Variants in ATRNL1 observed in about 807,000 individuals in gnomAD.
The protein encoded by ATRNL1 is attractin-like protein 1.
A neutral mutation model predicts 182.7 loss-of-function variants in ATRNL1; 95 were observed. The ratio of observed to expected loss-of-function variants is 0.52; its 90% CI spans 0.44 to 0.62. The LOEUF (loss-of-function observed/expected upper bound fraction) is 0.62, where lower values mean the gene tolerates loss of function less well. Ranked by LOEUF, ATRNL1 falls within the 20% of genes least tolerant of loss-of-function variation. The pLI is 0.00. For missense variants in ATRNL1, 1,471 were observed against 1,679.5 expected (o/e 0.88, Z 2.17); for synonymous variants, 576 against 568.3 (o/e 1.01, Z -0.19).
At chr10:115,533,696 A>T (rs1851761570) in intron 25 of ATRNL1, among the ~76,000 whole-genome samples, 1 of 149,814 alleles carries the variant, frequency 6.7e-6, no homozygotes, top group Non-Finnish European at 1.5e-5. Flanking sequence ...TTGTGATGTT[A>T]GGGTGTCAAT....
intron 27 of ATRNL1, among the ~76,000 whole-genome samples, chr10:115,803,598 T>G (rs1422908390): frequency 7.1e-6 from 1 of 140,190 alleles, no homozygotes; most frequent in Non-Finnish European, 1.6e-5. Context: ...GGTTTTTTTG[T>G]GTTTTTTTTT....
chr10:115,242,441 T>C (rs1327691025), intron 10 of ATRNL1, among the ~76,000 whole-genome samples: 2 of 152,004 alleles, frequency 1.3e-5, no homozygotes, highest in Non-Finnish European at 2.9e-5. Context: ...TTTTTCTATG[T>C]ATCATATTAT....
Position 115,190,318 on chromosome 10 carries a change from A to C in ATRNL1, c.1348+19026A>C, listed in dbSNP as rs1044895988. On this transcript the variant is annotated intron_variant, in intron 8 of 28. Coordinates refer to ENST00000355044, the MANE Select transcript of ATRNL1 (RefSeq NM_207303.4). ...GTGAATTATTAAACCATATGCTTTTAAGCTATTTAGGAACTACAAAAATAT... is the reference window on the plus strand; with the variant it reads ...GTGAATTATTAAACCATATGCTTTTCAGCTATTTAGGAACTACAAAAATAT... Among the ~76,000 whole-genome samples the C allele has an allele frequency of 5.3e-5, 8 of 152,216 alleles. No homozygotes were observed. The East Asian group carries it at 1.5e-3, about 29-fold the overall frequency.
At chr10:115,241,494 G>T in intron 9 of ATRNL1, 77 bp from the exon 10 acceptor site, 1 of 962,018 alleles carries the variant, frequency 1.0e-6, no homozygotes, top group East Asian at 2.5e-5. Flanking sequence ...ATGCAAAGTA[G>T]ACCCTTTATA....
chr10:115,507,733 C>G (rs1327868894), intron 24 of ATRNL1, among the ~76,000 whole-genome samples: 1 of 151,992 alleles, frequency 6.6e-6, no homozygotes, highest in Non-Finnish European at 1.5e-5. Context: ...AATATCAGCT[C>G]TTTTTAGTAG....
chr10:115,912,415 TTTG>T lies in ATRNL1; in HGVS notation c.4019-32241_4019-32239del, dbSNP rs1565481388. 9.8e-4 allele frequency among the ~76,000 whole-genome samples: 71 copies of T among 72,598 alleles called. No homozygotes were observed. The East Asian group carries it at 0.011, about 11-fold the overall frequency. 47.6% of individuals were successfully genotyped at this position (72,598 alleles called of 152,430 possible). On this transcript the variant is annotated intron_variant, in intron 28 of 28. Coordinates refer to ENST00000355044, the MANE Select transcript of ATRNL1 (RefSeq NM_207303.4). ...AGTGAAATACATATATATATATATATTTGTGTGTGTGTGTGTGTGTGTGTGCAT... is the reference window on the plus strand; with the variant it reads ...AGTGAAATACATATATATATATATATTGTGTGTGTGTGTGTGTGTGTGCAT...
At chr10:115,715,011 C>T (rs894925253) in intron 26 of ATRNL1, among the ~76,000 whole-genome samples, 3 of 152,220 alleles carry the variant, frequency 2.0e-5, no homozygotes, top group Non-Finnish European at 2.9e-5. Flanking sequence ...CACAGGAAGA[C>T]GCTGCAAAGT....
chr10:115,181,568 G>A (rs1249142332), intron 8 of ATRNL1, among the ~76,000 whole-genome samples: 1 of 151,694 alleles, frequency 6.6e-6, no homozygotes, highest in Non-Finnish European at 1.5e-5. Context: ...AAGATACACT[G>A]TGGAATTTAA....
At chr10:115,311,256 C>A (rs1854010273) in intron 17 of ATRNL1, among the ~76,000 whole-genome samples, 1 of 144,990 alleles carries the variant, frequency 6.9e-6, no homozygotes, top group African/African-American at 2.6e-5. Context: ...GTGGCACAAT[C>A]TTGGTTCACT....
chr10:115,659,005 T>C (rs1860509995), intron 26 of ATRNL1, among the ~76,000 whole-genome samples: 1 of 152,058 alleles, frequency 6.6e-6, no homozygotes, highest in South Asian at 2.1e-4. Context: ...CTCATAAGAA[T>C]GTACTCACTA....
At chr10:115,568,186 TG>T (rs1854176372) in intron 26 of ATRNL1, among the ~76,000 whole-genome samples, 1 of 152,068 alleles carries the variant, frequency 6.6e-6, no homozygotes, top group African/African-American at 2.4e-5. Context: ...AGTGCTCTTT[TG>T]TTCAGGCTAT....
intron 26 of ATRNL1, among the ~76,000 whole-genome samples, chr10:115,583,805 G>GA (rs1855299814): frequency 6.6e-6 from 1 of 150,438 alleles, no homozygotes; most frequent in Non-Finnish European, 1.5e-5. Context: ...GGAGTGGTGA[G>GA]AGAGGGCATC....
At chr10:115,882,809 TAGAC>T (rs1555108924) in intron 28 of ATRNL1, among the ~76,000 whole-genome samples, 1 of 152,224 alleles carries the variant, frequency 6.6e-6, no homozygotes, top group East Asian at 1.9e-4. Context: ...TTTTGTAAAA[TAGAC>T]AGATGTCTAC....
intron 23 of ATRNL1, among the ~76,000 whole-genome samples, chr10:115,468,315 T>C (rs1009183873): frequency 6.6e-6 from 1 of 150,840 alleles, no homozygotes; most frequent in Non-Finnish European, 1.5e-5. Context: ...ACAATAATTT[T>C]AGTATGCAAG....
At chr10:115,215,258 G>A (rs1205104821) in intron 8 of ATRNL1, among the ~76,000 whole-genome samples, 2 of 152,148 alleles carry the variant, frequency 1.3e-5, no homozygotes, top group East Asian at 3.9e-4. Flanking sequence ...AACAAATAAA[G>A]GACCAGCACA....
chr10:115,597,414 G>T (rs1856313586), intron 26 of ATRNL1, among the ~76,000 whole-genome samples: 1 of 152,004 alleles, frequency 6.6e-6, no homozygotes, highest in Non-Finnish European at 1.5e-5. Context: ...CACAATTTTA[G>T]AAAATTGTAT....
intron 27 of ATRNL1, among the ~76,000 whole-genome samples, chr10:115,744,495 A>G (rs965590090): frequency 6.6e-6 from 1 of 152,176 alleles, no homozygotes; most frequent in East Asian, 1.9e-4. Context: ...ACTATTTCTC[A>G]TGTGTTACAA....
intron 19 of ATRNL1, among the ~76,000 whole-genome samples, chr10:115,393,105 C>A (rs929929675): frequency 3.3e-5 from 5 of 152,096 alleles, no homozygotes; most frequent in Non-Finnish European, 7.4e-5. Context: ...ACTCCCTTGG[C>A]AGGCAGAAGA....
At chr10:115,452,867 C>T (rs1847344876) in intron 21 of ATRNL1, among the ~76,000 whole-genome samples, 1 of 152,008 alleles carries the variant, frequency 6.6e-6, no homozygotes. Flanking sequence ...TATCCCAGCA[C>T]CTGGTAACCA....
Sources: gnomAD v4.1 joint callset for allele counts (sites outside exome capture counted in the v4.1 genomes callset) on GRCh38, gnomAD v4.1.1 for gene constraint, MANE v1.5 for transcripts, NCBI Gene and HGNC (gene_info 2026-07-23, HGNC 2026-07-21) for gene names.